AKT3: variants seen among roughly 807,000 people sequenced by gnomAD.
AKT3 encodes RAC-gamma serine/threonine-protein kinase.
A neutral mutation model predicts 65.3 loss-of-function variants in AKT3; 15 were observed. The observed-to-expected ratio is 0.23, with a 90% CI of 0.15 to 0.35. AKT3 has a LOEUF of 0.35. Among genes scored for constraint, AKT3 ranks in the 10% least tolerant of loss-of-function variants. The pLI is 1.00. For missense variants in AKT3, 243 were observed against 576.5 expected (o/e 0.42, Z 5.92); for synonymous variants, 206 against 183.8 (o/e 1.12, Z -0.98).
At position 243,500,373 on chromosome 1, in the gene AKT3, A is replaced by G. The variant is rs1205041176; in HGVS notation, c.*4876T>C. The G allele has an allele frequency of 4.4e-6, 1 of 225,568 alleles. No individual in the cohort carries two copies. The highest frequency in any genetic ancestry group is 8.8e-6 in the Non-Finnish European group (1 of 113,512). The allele number at this position is 225,568 out of a possible 1,614,324, so 14.0% of individuals were successfully genotyped here. On this transcript the variant is annotated 3_prime_UTR_variant, in exon 14 of 14. Coordinates refer to ENST00000673466, the MANE Select transcript of AKT3 (RefSeq NM_005465.7). ...TTCCATTCTGTTAAACAACGAAAACAGACAAAAAAGCATCTTTGGCTCGGT... is the reference window on the plus strand; with the variant it reads ...TTCCATTCTGTTAAACAACGAAAACGGACAAAAAAGCATCTTTGGCTCGGT...
intron 2 of AKT3, among the ~76,000 whole-genome samples, chr1:243,820,413 A>G (rs1314791181): frequency 6.6e-6 from 1 of 152,188 alleles, no homozygotes; most frequent in Non-Finnish European, 1.5e-5. Flanking sequence ...AAATGATCAC[A>G]ACATCTCTCC....
chr1:243,701,522 T>C (rs1685460252), intron 2 of AKT3, among the ~76,000 whole-genome samples: 1 of 152,108 alleles, frequency 6.6e-6, no homozygotes, highest in African/African-American at 2.4e-5. Context: ...TACAATCCAA[T>C]TGAAAAGAAA....
intron 2 of AKT3, among the ~76,000 whole-genome samples, chr1:243,731,619 T>C (rs1053916844): frequency 3.9e-5 from 6 of 152,120 alleles, no homozygotes; most frequent in Non-Finnish European, 5.9e-5. Context: ...TGAAGAGAAA[T>C]AGAAGGCACT....
At chr1:243,775,468 C>T (rs1690488445) in intron 2 of AKT3, among the ~76,000 whole-genome samples, 1 of 152,236 alleles carries the variant, frequency 6.6e-6, no homozygotes, top group South Asian at 2.1e-4. Context: ...GCATGAGCCA[C>T]TGCGCCCGGC....
rs911763765 is a variant in AKT3, at chr1:243,503,488, C to T, written c.*1761G>A. ...ACTAAAATACATTTCCATGATCACT[C>T]CGCGGAGTAGGATGGCCTTCTGCTT... On this transcript the variant is annotated 3_prime_UTR_variant, in exon 14 of 14. Coordinates refer to ENST00000673466, the MANE Select transcript of AKT3 (RefSeq NM_005465.7). 1 of 233,414 alleles carries T rather than the reference C, an allele frequency of 4.3e-6. No homozygotes were observed. The highest frequency in any genetic ancestry group is 2.2e-5 in the African/African-American group (1 of 45,312). The allele number at this position is 233,414 out of a possible 1,614,324, so 14.5% of individuals were successfully genotyped here.
Position 243,807,381 on chromosome 1 carries a change from A to T in AKT3, c.46+35744T>A, listed in dbSNP as rs1450501887. 2.0e-5 allele frequency among the ~76,000 whole-genome samples: 3 copies of T among 152,180 alleles called. No individual in the cohort carries two copies. In the East Asian group the frequency reaches 5.8e-4, roughly 29 times the overall value. ...GACTTAGCAAACGGCACACCAGGAG[A>T]TTATATCCCATGCCTGGCTCGGAGG... On this transcript the variant is annotated intron_variant, in intron 2 of 13. Transcript: ENST00000673466.
At chr1:243,556,154 C>T (rs1055805987) in intron 10 of AKT3, among the ~76,000 whole-genome samples, 1 of 151,984 alleles carries the variant, frequency 6.6e-6, no homozygotes, top group African/African-American at 2.4e-5. Flanking sequence ...ACGATAAAAC[C>T]TAAGACTCAA....
At chr1:243,833,826 A>T (rs1403379802) in intron 2 of AKT3, among the ~76,000 whole-genome samples, 1 of 151,698 alleles carries the variant, frequency 6.6e-6, no homozygotes. Context: ...TTGGGAGGAA[A>T]AGGTGGGAGG....
At chr1:243,519,650 A>AC (rs1467210519) in intron 12 of AKT3, among the ~76,000 whole-genome samples, 2 of 152,292 alleles carry the variant, frequency 1.3e-5, no homozygotes, top group African/African-American at 4.8e-5. Flanking sequence ...GTCCTCCTCC[A>AC]CCAAGATAAT....
intron 2 of AKT3, among the ~76,000 whole-genome samples, chr1:243,802,929 G>C (rs1031991209): frequency 6.6e-6 from 1 of 152,096 alleles, no homozygotes; most frequent in Non-Finnish European, 1.5e-5. Flanking sequence ...TGGGAGGATC[G>C]CTTGAGGCCA....
Position 243,620,387 on chromosome 1 carries a change from A to G in AKT3, c.562-5226T>C, listed in dbSNP as rs1454025186. Reference sequence around the variant, plus strand: ...GTGTGAGAATGAACTAATACAGATGATATCACATTGTGGTTTTGATTTGCA... The same window carrying G: ...GTGTGAGAATGAACTAATACAGATGGTATCACATTGTGGTTTTGATTTGCA... On this transcript the variant is annotated intron_variant, in intron 6 of 13. Transcript: ENST00000673466. Among the ~76,000 whole-genome samples, 2 of 42,884 alleles carry G rather than the reference A, an allele frequency of 4.7e-5. 1 individual carries two copies. The highest frequency in any genetic ancestry group is 7.6e-5 in the African/African-American group (2 of 26,484). The allele number at this position is 42,884 out of a possible 152,430, so 28.1% of individuals were successfully genotyped here. A position where few individuals can be genotyped will look rare whatever the true frequency, so the allele number is the denominator to read the frequency against.
chr1:243,750,815 C>G (rs541002663), intron 2 of AKT3, among the ~76,000 whole-genome samples: 110 of 152,144 alleles, frequency 7.2e-4, no homozygotes, highest in African/African-American at 2.0e-3. Context: ...CTCCTGACCT[C>G]CGGTGATCTG....
chr1:243,801,544 C>T (rs1692382829), intron 2 of AKT3, among the ~76,000 whole-genome samples: 1 of 152,118 alleles, frequency 6.6e-6, no homozygotes, highest in Non-Finnish European at 1.5e-5. Context: ...TATAATAGCA[C>T]AAAGACTGCC....
At chr1:243,585,014 C>T (rs1346842195) in intron 8 of AKT3, among the ~76,000 whole-genome samples, 1 of 152,094 alleles carries the variant, frequency 6.6e-6, no homozygotes, top group African/African-American at 2.4e-5. Context: ...AGGGCTCCAC[C>T]AAAAGGCTAT....
At chr1:243,769,220 T>C (rs559037324) in intron 2 of AKT3, among the ~76,000 whole-genome samples, 3 of 152,320 alleles carry the variant, frequency 2.0e-5, no homozygotes, top group East Asian at 1.9e-4. Flanking sequence ...CACTCTACAG[T>C]TGATTGGACA....
Position 243,489,021 on chromosome 1 carries a change from C to A in AKT3, c.*7-571G>T, listed in dbSNP as rs1665721400. On this transcript the variant is annotated intron_variant, in intron 13 of 13. Transcript: ENST00000336199. ...CGGTGGATTTTTCTCCAGGCTAAGG[C>A]AGCTGGATAAGCACAGCCAGGCCAC... The A allele has an allele frequency of 2.5e-6, 4 of 1,613,314 alleles. No individual in the cohort carries two copies. The highest frequency in any genetic ancestry group is 3.4e-6 in the Non-Finnish European group (4 of 1,180,042).
intron 2 of AKT3, among the ~76,000 whole-genome samples, chr1:243,779,171 C>T (rs945339608): frequency 3.9e-5 from 6 of 152,080 alleles, no homozygotes; most frequent in African/African-American, 9.7e-5. Flanking sequence ...CTATTCAAAT[C>T]GTTTGCTGTT....
intron 12 of AKT3, among the ~76,000 whole-genome samples, chr1:243,543,458 CT>C (rs10719017): frequency 0.93 from 141,003 of 151,930 alleles, 66,356 homozygotes; most frequent in East Asian, 1. Context: ...TTTTCCTCTT[CT>C]TTTTTTTTGG....
At chr1:243,807,895 C>T (rs950067257) in intron 2 of AKT3, among the ~76,000 whole-genome samples, 3 of 152,172 alleles carry the variant, frequency 2.0e-5, no homozygotes, top group African/African-American at 7.2e-5. Context: ...TGTTCTGCAG[C>T]CTCTGCTAAT....
Sources: gnomAD v4.1 joint callset for allele counts (sites outside exome capture counted in the v4.1 genomes callset) on GRCh38, gnomAD v4.1.1 for gene constraint, MANE v1.5 for transcripts, NCBI Gene and HGNC (gene_info 2026-07-23, HGNC 2026-07-21) for gene names.